Variants in AGAP1 observed in about 807,000 individuals in gnomAD.
AGAP1 encodes the protein arf-GAP with GTPase, ANK repeat and PH domain-containing protein 1.
In AGAP1, 29 loss-of-function variants were observed where a neutral mutation model predicts 105.3. The ratio of observed to expected loss-of-function variants is 0.28; its 90% CI spans 0.21 to 0.38. AGAP1 has a LOEUF of 0.38. Ranked by LOEUF, AGAP1 falls within the 10% of genes least tolerant of loss-of-function variation. The pLI is 1.00. For missense variants in AGAP1, 998 were observed against 1,165.1 expected (o/e 0.86, Z 2.09); for synonymous variants, 509 against 485.9 (o/e 1.05, Z -0.63).
chr2:236,033,102 G>A (rs567374016), intron 13 of AGAP1, among the ~76,000 whole-genome samples: 11 of 152,070 alleles, frequency 7.2e-5, no homozygotes, highest in Admixed American at 5.2e-4. Context: ...AAAATTAGCC[G>A]GATATGGTGG....
intron 16 of AGAP1, among the ~76,000 whole-genome samples, chr2:236,054,790 G>A (rs1381569157): frequency 6.6e-6 from 1 of 152,138 alleles, no homozygotes; most frequent in Admixed American, 6.5e-5. Context: ...TTTGGAAGCG[G>A]AGGTTATCTT....
intron 1 of AGAP1, among the ~76,000 whole-genome samples, chr2:235,686,588 C>CACACACACACATAT (rs1553605459): frequency 1.8e-5 from 2 of 108,516 alleles, no homozygotes; most frequent in Admixed American, 1.0e-4. Context: ...CACACACACA[C>CACACACACACATAT]GTGTGTGTGT....
At chr2:235,511,092 T>G (rs1369823409) in intron 1 of AGAP1, among the ~76,000 whole-genome samples, 1 of 151,810 alleles carries the variant, frequency 6.6e-6, no homozygotes, top group African/African-American at 2.4e-5. Flanking sequence ...AACTTTGGGG[T>G]GTCATGGTTG....
At chr2:235,848,895 TC>T (rs1181741007) in intron 9 of AGAP1, among the ~76,000 whole-genome samples, 1 of 152,204 alleles carries the variant, frequency 6.6e-6, no homozygotes, top group Non-Finnish European at 1.5e-5. Flanking sequence ...TGTTGCTCCT[TC>T]CTGCCCATCT....
rs567989455 is a variant in AGAP1, at chr2:235,608,332, C to A, written c.164-100847C>A. Among the ~76,000 whole-genome samples the A allele has an allele frequency of 7.2e-5, 11 of 152,208 alleles. No homozygotes were observed. In the South Asian group the frequency reaches 1.5e-3, roughly 20 times the overall value. ...AATTCCATTGTGTCTTTTTTTCCCC[C>A]AAGTAATCTGGCTCTGGGAGGAAAC... On this transcript the variant is annotated intron_variant, in intron 1 of 17. Transcript: ENST00000304032. This position sits in a 1 kb window ranked among gnomAD's most constrained non-coding sequence, Gnocchi z 5.4.
rs1028591104 is a variant in AGAP1, at chr2:235,934,140, C to T, written c.1483+3217C>T. 6.6e-6 allele frequency among the ~76,000 whole-genome samples: 1 copy of T among 152,186 alleles called. No individual in the cohort carries two copies. Among genetic ancestry groups the T allele is most frequent in the Non-Finnish European group, 1.5e-5 (1 of 68,048 alleles). ...CAGCAGCAGCAGCCCCTGGGAACTG[C>T]TTAGAAATGTTGATCTCAGGCCCTG... On this transcript the variant is annotated intron_variant, in intron 12 of 17. Coordinates refer to ENST00000304032, the MANE Select transcript of AGAP1 (RefSeq NM_001037131.3). This position sits in a 1 kb window ranked among gnomAD's most constrained non-coding sequence, Gnocchi z 4.9.
In AGAP1 at chr2:235,732,640, G is replaced by A. The variant is rs1419743835; in HGVS notation, c.311-8323G>A. 1.3e-5 allele frequency among the ~76,000 whole-genome samples: 2 copies of A among 152,028 alleles called. No homozygotes were observed. Among genetic ancestry groups the A allele is most frequent in the African/African-American group, 4.8e-5 (2 of 41,408 alleles). Reference sequence around the variant, plus strand: ...CCATTTTCCCTGCTGGGGAGCCTTTGCATAATGTCCCCAGCCCTGCTCTTC... The same window carrying A: ...CCATTTTCCCTGCTGGGGAGCCTTTACATAATGTCCCCAGCCCTGCTCTTC... On this transcript the variant is annotated intron_variant, in intron 3 of 17. Coordinates refer to ENST00000304032, the MANE Select transcript of AGAP1 (RefSeq NM_001037131.3). The surrounding 1 kb of genome is among the most constrained non-coding windows in gnomAD (Gnocchi z 4.8).
intron 1 of AGAP1, among the ~76,000 whole-genome samples, chr2:235,652,332 A>AC (rs972936582): frequency 2.5e-4 from 37 of 148,266 alleles, no homozygotes; most frequent in South Asian, 8.7e-4. Flanking sequence ...CAGCCCTCAG[A>AC]CCCCCCCTAC....
At position 235,729,603 on chromosome 2, in the gene AGAP1, A is replaced by G. The variant is rs1203159308; in HGVS notation, c.311-11360A>G. 1.3e-5 allele frequency among the ~76,000 whole-genome samples: 2 copies of G among 152,002 alleles called. No homozygotes were observed. The highest frequency in any genetic ancestry group is 2.9e-5 in the Non-Finnish European group (2 of 68,006). On this transcript the variant is annotated intron_variant, in intron 3 of 17. Coordinates refer to ENST00000304032, the MANE Select transcript of AGAP1 (RefSeq NM_001037131.3). This position sits in a 1 kb window ranked among gnomAD's most constrained non-coding sequence, Gnocchi z 5.0. ...TTGGTCCACTTGGTTATTCTTGGGG[A>G]CCAAAATCCAAGCTAGGATGGGGAC...
At chr2:235,974,823 AC>A (rs1326179938) in intron 13 of AGAP1, among the ~76,000 whole-genome samples, 3 of 152,228 alleles carry the variant, frequency 2.0e-5, no homozygotes, top group Admixed American at 2.0e-4. Context: ...ATATGAAGCA[AC>A]CACCACAGGG....
In AGAP1 at chr2:235,676,675, T is replaced by C. The variant is rs76590689; in HGVS notation, c.164-32504T>C. On this transcript the variant is annotated intron_variant, in intron 1 of 17. Coordinates refer to ENST00000304032, the MANE Select transcript of AGAP1 (RefSeq NM_001037131.3). ...ACTCTTTCTACAATGAGCTTTGGTG[T>C]TTTTGTTTTTGAAAAATATTTTCGG... 5.0e-3 allele frequency among the ~76,000 whole-genome samples: 767 copies of C among 152,326 alleles called. 6 individuals are homozygous for C. The highest frequency in any genetic ancestry group is 0.016 in the African/African-American group (677 of 41,568).
intron 10 of AGAP1, among the ~76,000 whole-genome samples, chr2:235,898,472 T>TCCCCCCCCCCCC (rs34001914): frequency 9.1e-5 from 11 of 121,398 alleles, no homozygotes; most frequent in South Asian, 3.0e-4. Flanking sequence ...GAGGACAGGT[T>TCCCCCCCCCCCC]CCCCCCCCCA....
chr2:235,841,286 C>A (rs372418495), intron 9 of AGAP1, among the ~76,000 whole-genome samples: 1 of 152,174 alleles, frequency 6.6e-6, no homozygotes, highest in East Asian at 1.9e-4. Flanking sequence ...AAGTTACCAA[C>A]AGTCGCCGCT....
At chr2:236,065,147 G>A (rs746192733) in intron 16 of AGAP1, among the ~76,000 whole-genome samples, 1 of 152,168 alleles carries the variant, frequency 6.6e-6, no homozygotes, top group Non-Finnish European at 1.5e-5. Context: ...CCTTCATCAC[G>A]GGCTTCGTCA....
chr2:235,709,056 A>C, intron 1 of AGAP1, 123 bp from the exon 2 acceptor site: 1 of 939,518 alleles, frequency 1.1e-6, no homozygotes, highest in Non-Finnish European at 1.7e-6. Flanking sequence ...TGAGAGTGAC[A>C]CAGGGAGGCT....
intron 9 of AGAP1, among the ~76,000 whole-genome samples, chr2:235,818,183 T>C (rs1384694492): frequency 1.3e-5 from 2 of 152,232 alleles, no homozygotes; most frequent in African/African-American, 2.4e-5. Flanking sequence ...CGAGTACATA[T>C]TGTACATTAC....
chr2:236,021,279 C>T (rs2056875522), intron 13 of AGAP1, among the ~76,000 whole-genome samples: 1 of 152,046 alleles, frequency 6.6e-6, no homozygotes, highest in African/African-American at 2.4e-5. Flanking sequence ...TTTCTAGCCC[C>T]CTCCTTTTGA....
At position 235,714,740 on chromosome 2, in the gene AGAP1, T is replaced by C. The variant is rs148731052; in HGVS notation, c.223-2817T>C. Among the ~76,000 whole-genome samples the C allele has an allele frequency of 8.4e-4, 128 of 152,294 alleles. 3 individuals are homozygous for C. In the East Asian group the frequency reaches 0.02, roughly 24 times the overall value. ...GCCTGTAAATCACTGAGAACCTTTTTTCCACACTGTCATGCCAAATTTGTT... is the reference window on the plus strand; with the variant it reads ...GCCTGTAAATCACTGAGAACCTTTTCTCCACACTGTCATGCCAAATTTGTT... On this transcript the variant is annotated intron_variant, in intron 2 of 17. Transcript: ENST00000304032. The surrounding 1 kb of genome is among the most constrained non-coding windows in gnomAD (Gnocchi z 4.1).
chr2:236,004,355 G>A (rs1232359909), intron 13 of AGAP1, among the ~76,000 whole-genome samples: 2 of 152,146 alleles, frequency 1.3e-5, no homozygotes, highest in Non-Finnish European at 2.9e-5. Flanking sequence ...TTAGAAACTG[G>A]GATCCACATT....
Sources: gnomAD v4.1 joint callset for allele counts (sites outside exome capture counted in the v4.1 genomes callset) on GRCh38, gnomAD v4.1.1 for gene constraint, Gnocchi (gnomAD v3.1) non-coding constraint, MANE v1.5 for transcripts, NCBI Gene and HGNC (gene_info 2026-07-23, HGNC 2026-07-21) for gene names.